Variants in TGFBR3 observed in about 807,000 individuals in gnomAD.
TGFBR3 encodes transforming growth factor beta receptor type 3.
A neutral mutation model predicts 87.9 loss-of-function variants in TGFBR3; 46 were observed. The observed-to-expected ratio is 0.52, with a 90% CI of 0.41 to 0.67. The LOEUF is 0.67. Ranked by LOEUF, TGFBR3 falls within the 30% of genes least tolerant of loss-of-function variation. The pLI is 0.00. For synonymous variants in TGFBR3, 381 were observed against 391.6 expected (o/e 0.97, Z 0.32); for missense variants, 866 against 1,041.9 (o/e 0.83, Z 2.32).
At chr1:91,764,834 A>C (rs1158111752) in intron 3 of TGFBR3, among the ~76,000 whole-genome samples, 1 of 152,138 alleles carries the variant, frequency 6.6e-6, no homozygotes, top group Non-Finnish European at 1.5e-5. Flanking sequence ...TCCAGCTCAC[A>C]ATGCCATCTC....
At chr1:91,705,808 C>CA (rs1342994742) in intron 14 of TGFBR3, among the ~76,000 whole-genome samples, 1 of 152,188 alleles carries the variant, frequency 6.6e-6, no homozygotes, top group Admixed American at 6.5e-5. Context: ...ACATGCTTCT[C>CA]AACTAAAATC....
chr1:91,731,027 C>T (rs542489928), intron 5 of TGFBR3, among the ~76,000 whole-genome samples: 1 of 152,222 alleles, frequency 6.6e-6, no homozygotes, highest in African/African-American at 2.4e-5. Flanking sequence ...AATATTTCAA[C>T]AGAACTTGAA....
intron 1 of TGFBR3, among the ~76,000 whole-genome samples, chr1:91,902,271 T>TGTGTG (rs1679737010): frequency 6.7e-6 from 1 of 148,250 alleles, no homozygotes; most frequent in African/African-American, 2.5e-5. Flanking sequence ...TCCTTTTCTT[T>TGTGTG]TGTGTGTGTG....
chr1:91,799,063 A>G (rs1675499422), intron 2 of TGFBR3, among the ~76,000 whole-genome samples: 2 of 152,192 alleles, frequency 1.3e-5, no homozygotes, highest in South Asian at 4.1e-4. Context: ...TCCCAGATAG[A>G]ACCCACGAAA....
intron 16 of TGFBR3, among the ~76,000 whole-genome samples, chr1:91,690,160 A>G (rs1571409317): frequency 6.6e-6 from 1 of 152,184 alleles, no homozygotes; most frequent in Non-Finnish European, 1.5e-5. Flanking sequence ...GAATGGTGGC[A>G]TCAGGCACCT....
intron 16 of TGFBR3, among the ~76,000 whole-genome samples, chr1:91,692,589 AG>A (rs994768201): frequency 5.9e-5 from 9 of 152,156 alleles, no homozygotes; most frequent in Non-Finnish European, 1.0e-4. Context: ...TGAACTAGGT[AG>A]GGTTCCTAGG....
intron 10 of TGFBR3, among the ~76,000 whole-genome samples, chr1:91,717,689 T>TA (rs199786596): frequency 0.35 from 48,071 of 135,990 alleles, 7,970 homozygotes; most frequent in South Asian, 0.49. Flanking sequence ...GGAAGAAAAT[T>TA]AAAAAAAAAA....
chr1:91,716,182 G>A, intron 12 of TGFBR3, 54 bp downstream of exon 12: 1 of 1,609,378 alleles, frequency 6.2e-7, no homozygotes, highest in Non-Finnish European at 8.5e-7. Context: ...TGATGTCTAA[G>A]GAACTATAGC....
At chr1:91,859,233 G>A (rs1423965855) in intron 2 of TGFBR3, among the ~76,000 whole-genome samples, 1 of 152,104 alleles carries the variant, frequency 6.6e-6, no homozygotes, top group Admixed American at 6.5e-5. Context: ...AGGCTGGACA[G>A]GGCCATTGAA....
chr1:91,890,807 G>A (rs1373291628), upstream of TGFBR3, among the ~76,000 whole-genome samples: 3 of 152,132 alleles, frequency 2.0e-5, no homozygotes, highest in South Asian at 6.2e-4. Context: ...GCAGAGTCAG[G>A]TGGCCTGGCT....
At position 91,682,572 on chromosome 1, in the gene TGFBR3, C is replaced by T; in HGVS notation, c.*1167G>A. ...GAAGTAAGGCAATCCAAATGAGTGC[C>T]CTTTTCCAATCTCAGCACTGTCTTG... On this transcript the variant is annotated 3_prime_UTR_variant, in exon 17 of 17. Coordinates refer to ENST00000212355, the MANE Select transcript of TGFBR3 (RefSeq NM_003243.5). 2.2e-6 allele frequency: 1 copy of T among 453,338 alleles called. No homozygotes were observed. The highest frequency in any genetic ancestry group is 4.4e-6 in the Non-Finnish European group (1 of 226,660). The allele number at this position is 453,338 out of a possible 1,614,324, so 28.1% of individuals were successfully genotyped here.
At chr1:91,898,200 T>C (rs982279869) in intron 2 of TGFBR3, among the ~76,000 whole-genome samples, 6 of 152,142 alleles carry the variant, frequency 3.9e-5, no homozygotes, top group African/African-American at 1.2e-4. Context: ...GGTAACCACT[T>C]TCAGGAATTT....
At chr1:91,731,947 T>C (rs1000548705) in intron 5 of TGFBR3, among the ~76,000 whole-genome samples, 1 of 152,172 alleles carries the variant, frequency 6.6e-6, no homozygotes, top group African/African-American at 2.4e-5. Flanking sequence ...TTGTGTGTGG[T>C]TTCTCCCCCG....
chr1:91,835,551 C>T (rs1246763239), intron 2 of TGFBR3, among the ~76,000 whole-genome samples: 2 of 152,138 alleles, frequency 1.3e-5, no homozygotes, highest in Non-Finnish European at 2.9e-5. Context: ...CAACACAGGC[C>T]AGGCGTGGTG....
chr1:91,707,980 C>T (rs1671851648), intron 14 of TGFBR3, among the ~76,000 whole-genome samples: 1 of 152,224 alleles, frequency 6.6e-6, no homozygotes, highest in African/African-American at 2.4e-5. Context: ...TCTGGCTGGC[C>T]AGACCCATGC....
intron 2 of TGFBR3, among the ~76,000 whole-genome samples, chr1:91,817,368 A>G (rs1180817684): frequency 6.6e-6 from 1 of 152,234 alleles, no homozygotes. Flanking sequence ...CCCCCTCTTC[A>G]CACCAAGATC....
rs188012201 is a variant in TGFBR3, at chr1:91,878,990, C to T, written c.-114+6888G>A. Among the ~76,000 whole-genome samples, 9 of 152,218 alleles carry T rather than the reference C, an allele frequency of 5.9e-5. No individual in the cohort carries two copies. In the East Asian group the frequency reaches 1.2e-3, roughly 20 times the overall value. On this transcript the variant is annotated intron_variant, in intron 1 of 16. Transcript: ENST00000212355. Reference sequence around the variant, plus strand: ...ACAGTTTAACATTAAAGTGGGCTTGCGGGCATGGTGGCTCACGCCTGTAAT... The same window carrying T: ...ACAGTTTAACATTAAAGTGGGCTTGTGGGCATGGTGGCTCACGCCTGTAAT...
At chr1:91,809,624 C>A (rs1444347729) in intron 2 of TGFBR3, among the ~76,000 whole-genome samples, 1 of 152,168 alleles carries the variant, frequency 6.6e-6, no homozygotes, top group East Asian at 1.9e-4. Flanking sequence ...CACTGGGCCA[C>A]GAACTAAAAC....
chr1:91,897,092 G>T (rs115693075), intron 2 of TGFBR3, among the ~76,000 whole-genome samples: 2,429 of 152,142 alleles, frequency 0.016, 35 homozygotes, highest in Non-Finnish European at 0.022. Flanking sequence ...TTATATACTT[G>T]CCTGGTTGTT....
Sources: allele counts gnomAD v4.1 joint callset (sites outside exome capture counted in the v4.1 genomes callset), GRCh38; gene constraint gnomAD v4.1.1; transcripts MANE v1.5; gene names NCBI Gene and HGNC (gene_info 2026-07-23, HGNC 2026-07-21).